CCDC6: variants seen among roughly 807,000 people sequenced by gnomAD.
The protein encoded by CCDC6 is coiled-coil domain-containing protein 6.
Under a neutral mutation model 56.6 loss-of-function variants are expected in CCDC6, and 20 were observed. The ratio of observed to expected loss-of-function variants is 0.35; its 90% CI spans 0.25 to 0.51. The LOEUF (loss-of-function observed/expected upper bound fraction) is 0.51, where lower values mean the gene tolerates loss of function less well. Ranked by LOEUF, CCDC6 falls within the 20% of genes least tolerant of loss-of-function variation. The pLI, the probability that CCDC6 is intolerant of heterozygous loss-of-function variation, is 0.95. For missense variants in CCDC6, 367 were observed against 601.1 expected (o/e 0.61, Z 4.07); for synonymous variants, 241 against 234.4 (o/e 1.03, Z -0.26).
At chr10:59,894,477 G>C (rs1322730248) in intron 1 of CCDC6, among the ~76,000 whole-genome samples, 1 of 152,156 alleles carries the variant, frequency 6.6e-6, no homozygotes, top group African/African-American at 2.4e-5. Context: ...CTCCTGGATT[G>C]AATCAGGGGC....
At chr10:59,852,093 T>C (rs1414641132) in intron 2 of CCDC6, among the ~76,000 whole-genome samples, 1 of 152,226 alleles carries the variant, frequency 6.6e-6, no homozygotes, top group East Asian at 1.9e-4. Context: ...ACACGGTTGA[T>C]TGTGGGTAGT....
At chr10:59,829,659 A>G (rs2070818530) in intron 3 of CCDC6, among the ~76,000 whole-genome samples, 1 of 152,224 alleles carries the variant, frequency 6.6e-6, no homozygotes, top group South Asian at 2.1e-4. Flanking sequence ...GCCAATCACA[A>G]AAGACCACAT....
chr10:59,830,201 T>C (rs2070824253), intron 3 of CCDC6, among the ~76,000 whole-genome samples: 1 of 152,220 alleles, frequency 6.6e-6, no homozygotes, highest in Non-Finnish European at 1.5e-5. Flanking sequence ...ATGTAAATCA[T>C]GATAAGGCAT....
At chr10:59,814,588 C>G in intron 4 of CCDC6, 64 bp downstream of exon 4, 1 of 988,766 alleles carries the variant, frequency 1.0e-6, no homozygotes, top group Non-Finnish European at 1.6e-6. Flanking sequence ...CTCAGTCACA[C>G]CCAGAGCAGC....
intron 6 of CCDC6, 186 bp from the exon 7 acceptor site, chr10:59,804,706 C>T: frequency 1.8e-6 from 1 of 546,784 alleles, no homozygotes. Flanking sequence ...GTTTGACAAA[C>T]CTCACTCCAA....
chr10:59,851,945 G>C (rs553633893), intron 2 of CCDC6, among the ~76,000 whole-genome samples: 5 of 152,136 alleles, frequency 3.3e-5, no homozygotes, highest in African/African-American at 1.2e-4. Context: ...AGGAGGGGGA[G>C]AGAATGAGCC....
intron 1 of CCDC6, among the ~76,000 whole-genome samples, chr10:59,888,714 A>T (rs1204958064): frequency 6.6e-6 from 1 of 152,220 alleles, no homozygotes; most frequent in East Asian, 1.9e-4. Flanking sequence ...TGGTGGTTAT[A>T]AAGTCCTTAT....
chr10:59,879,339 T>C (rs1202616475), intron 1 of CCDC6, among the ~76,000 whole-genome samples: 1 of 152,176 alleles, frequency 6.6e-6, no homozygotes, highest in Non-Finnish European at 1.5e-5. Context: ...TATTATAAAC[T>C]ATAGATTTAT....
chr10:59,891,529 C>A (rs953681253), intron 1 of CCDC6, among the ~76,000 whole-genome samples: 1 of 152,176 alleles, frequency 6.6e-6, no homozygotes, highest in Non-Finnish European at 1.5e-5. Flanking sequence ...ACATCACTGT[C>A]AGGCAGCAAT....
chr10:59,811,600 G>A (rs989387176), intron 5 of CCDC6, among the ~76,000 whole-genome samples: 1 of 152,182 alleles, frequency 6.6e-6, no homozygotes, highest in Non-Finnish European at 1.5e-5. Flanking sequence ...AGAGAAAGGT[G>A]TAAATGAGTG....
intron 7 of CCDC6, among the ~76,000 whole-genome samples, chr10:59,801,505 T>C (rs2132624709): frequency 6.6e-6 from 1 of 152,262 alleles, no homozygotes; most frequent in Non-Finnish European, 1.5e-5. Context: ...ATACATCAAT[T>C]TTCTTTCCAC....
intron 1 of CCDC6, among the ~76,000 whole-genome samples, chr10:59,899,010 ACAAAGTGACCTTTG>A (rs1482616080): frequency 6.6e-6 from 1 of 152,204 alleles, no homozygotes; most frequent in East Asian, 1.9e-4. Flanking sequence ...GAGAACCTAC[ACAAAGTGACCTTTG>A]CAATTTACTG....
At chr10:59,847,817 C>CTT (rs757902015) in intron 2 of CCDC6, among the ~76,000 whole-genome samples, 4,236 of 104,804 alleles carry the variant, frequency 0.04, 322 homozygotes, top group African/African-American at 0.12. Context: ...GCCTTTTAGA[C>CTT]TTTTTTTTTT....
chr10:59,859,203 T>TGC (rs1259806468), intron 1 of CCDC6, among the ~76,000 whole-genome samples: 19 of 116,770 alleles, frequency 1.6e-4, no homozygotes, highest in African/African-American at 6.8e-4. Flanking sequence ...TGTGTGCGTG[T>TGC]GTGTGTGTGT....
chr10:59,833,569 T>C lies in CCDC6; in HGVS notation c.454-916A>G, dbSNP rs886552991. Among the ~76,000 whole-genome samples, 10 of 133,106 alleles carry C rather than the reference T, an allele frequency of 7.5e-5. No homozygotes were observed. In the Admixed American group the frequency reaches 8.5e-4, roughly 11 times the overall value. The allele number at this position is 133,106 out of a possible 152,430, so 87.3% of individuals were successfully genotyped here. On this transcript the variant is annotated intron_variant, in intron 2 of 8. Coordinates refer to ENST00000263102, the MANE Select transcript of CCDC6 (RefSeq NM_005436.5). ...CAAAACCAAAGGAAAATAAAAGAAA[T>C]CCAGTGGACCCATAGGGACTTGGGG...
At chr10:59,880,053 G>GA (rs2071319767) in intron 1 of CCDC6, among the ~76,000 whole-genome samples, 1 of 152,042 alleles carries the variant, frequency 6.6e-6, no homozygotes, top group Admixed American at 6.5e-5. Flanking sequence ...ATCTATAAGA[G>GA]AAAATGTCTC....
intron 5 of CCDC6, among the ~76,000 whole-genome samples, chr10:59,807,906 T>TAG (rs879531805): frequency 3.3e-5 from 5 of 152,336 alleles, no homozygotes; most frequent in Admixed American, 3.3e-4. Flanking sequence ...ACCACTGTAC[T>TAG]AGAACATGTG....
chr10:59,828,982 T>C (rs954090589), intron 3 of CCDC6, among the ~76,000 whole-genome samples: 1 of 152,220 alleles, frequency 6.6e-6, no homozygotes, highest in African/African-American at 2.4e-5. Flanking sequence ...TTATAGCCCA[T>C]AGACCTTCAT....
At chr10:59,884,328 G>A (rs146550649) in intron 1 of CCDC6, among the ~76,000 whole-genome samples, 7 of 152,118 alleles carry the variant, frequency 4.6e-5, no homozygotes, top group African/African-American at 1.4e-4. Flanking sequence ...AGACAGCGAC[G>A]ACAATAAGCA....
Sources: gnomAD v4.1 joint callset for allele counts (sites outside exome capture counted in the v4.1 genomes callset) on GRCh38, gnomAD v4.1.1 for gene constraint, MANE v1.5 for transcripts, NCBI Gene and HGNC (gene_info 2026-07-23, HGNC 2026-07-21) for gene names.